Variants in TNFAIP2 observed in about 807,000 individuals in gnomAD.
TNFAIP2 encodes TNF alpha induced protein 2.
TNFAIP2 carries 47 observed loss-of-function variants against 63.5 expected under a neutral mutation model. That is an observed-to-expected ratio of 0.74 (90% CI 0.59 to 0.94). The LOEUF (loss-of-function observed/expected upper bound fraction) is 0.94. Among genes scored for constraint, TNFAIP2 ranks in the 40% least tolerant of loss-of-function variants. The pLI is 0.00. For synonymous variants in TNFAIP2, 405 were observed against 390.2 expected, an observed-to-expected ratio of 1.04 and a Z score of -0.45; for missense variants, 787 against 850.2, an observed-to-expected ratio of 0.93 and a Z score of 0.92.
Position 103,135,519 on chromosome 14 carries a change from C to T in TNFAIP2, c.*159C>T, listed in dbSNP as rs2088076774. On this transcript the variant is annotated 3_prime_UTR_variant, in exon 12 of 12. Coordinates refer to ENST00000560869, the MANE Select transcript of TNFAIP2 (RefSeq NM_006291.4). This position sits in a 1 kb window ranked among gnomAD's most constrained non-coding sequence, Gnocchi z 7.6. ...CTGGCGGAGGTGCAGGCCCTGTCAG[C>T]TGGAACTGGACAGACCTTGGTTTGT... 6.7e-7 allele frequency: 1 copy of T among 1,481,974 alleles called. No individual in the cohort carries two copies. The highest frequency in any genetic ancestry group is 2.5e-5 in the Admixed American group (1 of 40,036). 91.8% of individuals were successfully genotyped at this position (1,481,974 alleles called of 1,614,324 possible). A position where few individuals can be genotyped will look rare whatever the true frequency, so the allele number is the denominator to read the frequency against.
rs1045944652 is a variant in TNFAIP2 at position 103,135,375 on chromosome 14, T to C, written c.*15T>C. ...AGGTTGGTTAGCTTTTCCTGTGGCC[T>C]GACCTGCCTGTGAGTGCCCAGCAAG... is the stretch of plus-strand genomic sequence containing the variant. On this transcript the variant is annotated 3_prime_UTR_variant, in exon 12 of 12. Transcript: ENST00000560869. This position sits in a 1 kb window ranked among gnomAD's most constrained non-coding sequence, Gnocchi z 7.6. 1 of 1,588,402 alleles carries C rather than the reference T, an allele frequency of 6.3e-7. No homozygotes were observed. The highest frequency in any genetic ancestry group is 1.3e-5 in the African/African-American group (1 of 74,450).
chr14:103,132,829 C>T lies in TNFAIP2; in HGVS notation c.1502C>T (p.Thr501Met), dbSNP rs754925593. ...TLENIIATVD[T>M]RLPEFSELQG... ...GAAAACATCATCGCCACTGTAGACA[C>T]GAGGCTGCCTGAGTTCTCAGAGCTG... The change falls in exon 9 of 12, where the codon ACG becomes ATG. Residue 501 changes from threonine to methionine, a missense_variant. Transcript: ENST00000560869. 1.7e-5 allele frequency: 28 copies of T among 1,613,952 alleles called. No homozygotes were observed. Among genetic ancestry groups the T allele is most frequent in the East Asian group, 4.5e-5 (2 of 44,900 alleles).
chr14:103,127,431 G>A lies in TNFAIP2; in HGVS notation c.662G>A (p.Gly221Asp). ...EVPESVFLHL[G>D]RTMKEDLEAV... ...CCCGAGAGCGTCTTTCTGCACTTGGGCCGCACCATGAAGGAGGACCTGGAG... is the reference window on the plus strand; with the variant it reads ...CCCGAGAGCGTCTTTCTGCACTTGGACCGCACCATGAAGGAGGACCTGGAG... The change falls in exon 3 of 12, where the codon GGC becomes GAC. Residue 221 changes from glycine (G) to aspartate (D), a missense_variant. By Grantham distance (94) the Gly-to-Asp change is moderately conservative (BLOSUM62 -1). This residue lies in a region of TNFAIP2 where 523 missense variants were observed against 604.1 expected (regional missense o/e 0.87). Transcript: ENST00000560869. This position sits in a 1 kb window ranked among gnomAD's most constrained non-coding sequence, Gnocchi z 5.1. 6.3e-7 allele frequency: 1 copy of A among 1,583,544 alleles called. No individual in the cohort carries two copies. The highest frequency in any genetic ancestry group is 1.7e-4 in the Middle Eastern group (1 of 6,026).
chr14:103,125,643 G>A (rs1266557403), intron 1 of TNFAIP2, among the ~76,000 whole-genome samples: 3 of 151,814 alleles, frequency 2.0e-5, no homozygotes, highest in Non-Finnish European at 2.9e-5. Flanking sequence ...GTGACTTGCT[G>A]AGCCCCTTGC....
intron 11 of TNFAIP2, among the ~76,000 whole-genome samples, chr14:103,134,033 C>T (rs963594239): frequency 9.2e-5 from 14 of 152,238 alleles, no homozygotes; most frequent in South Asian, 2.1e-4. Flanking sequence ...CAAGGTGACA[C>T]GGCTAGTTAG....
Position 103,135,154 on chromosome 14 carries a change from T to C in TNFAIP2, c.1824-65T>C. The C allele has an allele frequency of 6.2e-7, 1 of 1,606,904 alleles. No individual in the cohort carries two copies. Among genetic ancestry groups the C allele is most frequent in the South Asian group, 1.1e-5 (1 of 90,886 alleles). On this transcript the variant is annotated intron_variant, in intron 11 of 11. Transcript: ENST00000560869. The surrounding 1 kb of genome is among the most constrained non-coding windows in gnomAD (Gnocchi z 7.6). ...CGGGCCCTGTGGCACTGGCCGGGAG[T>C]GCAGGGAGCTGGTGAGTAGGGGTGT...
In TNFAIP2 at chr14:103,127,111, C is replaced by G; in HGVS notation, c.342C>G (p.Ser114Arg). 9.1e-7 allele frequency: 1 copy of G among 1,100,378 alleles called. No individual in the cohort carries two copies. Among genetic ancestry groups the G allele is most frequent in the Non-Finnish European group, 1.1e-6 (1 of 904,232 alleles). The allele number at this position is 1,100,378 out of a possible 1,614,324, so 68.2% of individuals were successfully genotyped here. A position where few individuals can be genotyped will look rare whatever the true frequency, so the allele number is the denominator to read the frequency against. The change falls in exon 3 of 12, where the codon AGC becomes AGG. Residue 114 changes from serine to arginine, a missense_variant. By Grantham distance (110) the Ser-to-Arg change is moderately radical. Transcript: ENST00000560869. This position sits in a 1 kb window ranked among gnomAD's most constrained non-coding sequence, Gnocchi z 5.1. ...CGGCGGCGGCGGCGGGCGGTGTGAG[C>G]GAGGAGGAGCTGGTGCGGCGCCAGA... ...LAAAAAAGGV[S>R]EEELVRRQSK...
Position 103,133,682 on chromosome 14 carries a change from G to A in TNFAIP2, c.1702G>A (p.Gly568Ser). The A allele has an allele frequency of 6.4e-7, 1 of 1,561,834 alleles. No individual in the cohort carries two copies. Among genetic ancestry groups the A allele is most frequent in the Non-Finnish European group, 8.6e-7 (1 of 1,157,846 alleles). Residue 568 changes from glycine to serine, a missense_variant and splice_region_variant, in exon 11 of 12, where the codon GGC becomes AGC. Physicochemically the swap from Gly to Ser is moderately conservative, Grantham distance 56. Transcript: ENST00000560869. ...CCTCCAACCACACCCACTCCTGCAG[G>A]GCTCCCCGGCGACCTGGCTGCAGCC... ...DTIQHFCTQH[G>S]SPATWLQPAL...
upstream of TNFAIP2, among the ~76,000 whole-genome samples, chr14:103,122,244 C>T (rs1379941350): frequency 1.3e-5 from 2 of 152,228 alleles, no homozygotes; most frequent in African/African-American, 2.4e-5. Flanking sequence ...GCAAACCTGG[C>T]GCTTGGCCAG....
rs2087940943 is a variant in TNFAIP2, at chr14:103,130,127, A to G, written c.1098+3A>G. The G allele has an allele frequency of 6.2e-7, 1 of 1,612,092 alleles. No homozygotes were observed. Among genetic ancestry groups the G allele is most frequent in the Admixed American group, 1.7e-5 (1 of 59,892 alleles). ...AGCTGGCCATCGACATCATCCAGGT[A>G]CTGCAATCTGCCCCAGGGCACACGT... On this transcript the variant is annotated splice_donor_region_variant and intron_variant, in intron 5 of 11. Transcript: ENST00000560869.
At chr14:103,122,143 G>C (rs1891130240), upstream of TNFAIP2, among the ~76,000 whole-genome samples, 1 of 152,160 alleles carries the variant, frequency 6.6e-6, no homozygotes, top group Non-Finnish European at 1.5e-5. Flanking sequence ...GGGGTTGGCA[G>C]CCTTAACGCC....
Position 103,127,767 on chromosome 14 carries a change from G to T in TNFAIP2, c.860+138G>T. 1 of 1,043,546 alleles carries T rather than the reference G, an allele frequency of 9.6e-7. No individual in the cohort carries two copies. Among genetic ancestry groups the T allele is most frequent in the Non-Finnish European group, 1.3e-6 (1 of 766,190 alleles). The allele number at this position is 1,043,546 out of a possible 1,614,324, so 64.6% of individuals were successfully genotyped here. A position where few individuals can be genotyped will look rare whatever the true frequency, so the allele number is the denominator to read the frequency against. ...CAGAGTTTTGGGTCCGAGAATGCAG[G>T]GGTGGGACTTGGACTCCCTGGGGCA... On this transcript the variant is annotated intron_variant, in intron 3 of 11. Coordinates refer to ENST00000560869, the MANE Select transcript of TNFAIP2 (RefSeq NM_006291.4). This position sits in a 1 kb window ranked among gnomAD's most constrained non-coding sequence, Gnocchi z 5.1.
At position 103,131,610 on chromosome 14, in the gene TNFAIP2, G is replaced by A. The variant is rs2087974570; in HGVS notation, c.1299-29G>A. Reference sequence around the variant, plus strand: ...ATGGGGCTATAGGCTGAGCAGGGCTGGGGTGACCTCTCTGCCTCCACCTTC... The same window carrying A: ...ATGGGGCTATAGGCTGAGCAGGGCTAGGGTGACCTCTCTGCCTCCACCTTC... On this transcript the variant is annotated intron_variant, in intron 7 of 11. Coordinates refer to ENST00000560869, the MANE Select transcript of TNFAIP2 (RefSeq NM_006291.4). The surrounding 1 kb of genome is among the most constrained non-coding windows in gnomAD (Gnocchi z 4.0). The A allele has an allele frequency of 1.9e-6, 3 of 1,572,424 alleles. No individual in the cohort carries two copies. Among genetic ancestry groups the A allele is most frequent in the Non-Finnish European group, 2.6e-6 (3 of 1,165,328 alleles).
intron 1 of TNFAIP2, chr14:103,124,341 C>T (rs2087809333): frequency 6.6e-6 from 1 of 152,304 alleles, no homozygotes; most frequent in East Asian, 1.9e-4. Flanking sequence ...GTGCTGAGCC[C>T]ACACCGAAAG....
At position 103,126,341 on chromosome 14, in the gene TNFAIP2, A is replaced by C. The variant is rs2087850985; in HGVS notation, c.-117A>C. On this transcript the variant is annotated 5_prime_UTR_variant, in exon 2 of 12. Transcript: ENST00000560869. ...GCAGGCCTGAACCAGGGTGATGCTG[A>C]AGATGATGACCTTCTTCCAAGGCCT... The C allele has an allele frequency of 2.8e-6, 2 of 711,874 alleles. No homozygotes were observed. The highest frequency in any genetic ancestry group is 5.9e-5 in the Admixed American group (2 of 33,926). The allele number at this position is 711,874 out of a possible 1,614,324, so 44.1% of individuals were successfully genotyped here. A position where few individuals can be genotyped will look rare whatever the true frequency, so the allele number is the denominator to read the frequency against.
At chr14:103,129,072 C>T (rs574964927) in intron 3 of TNFAIP2, among the ~76,000 whole-genome samples, 7 of 152,164 alleles carry the variant, frequency 4.6e-5, no homozygotes, top group Admixed American at 1.3e-4. Flanking sequence ...TGGGCAGTCC[C>T]CTGGGAGCTC....
In TNFAIP2 at chr14:103,126,537, CGAA is replaced by C. The variant is rs774542642; in HGVS notation, c.91_93del (p.Lys31del). 5.6e-5 allele frequency: 88 copies of C among 1,574,972 alleles called. No homozygotes were observed. Among genetic ancestry groups the C allele is most frequent in the Admixed American group, 4.1e-4 (22 of 53,890 alleles). ...CCATATAGGGAGGAGGAAGAGGCGGCGAAGAAGAAGAAGGAGAAGAAGAAGAAG... is the reference window on the plus strand; with the variant it reads ...CCATATAGGGAGGAGGAAGAGGCGGCGAAGAAGAAGGAGAAGAAGAAGAAG... On this transcript the variant is annotated inframe_deletion, in exon 2 of 12. Transcript: ENST00000560869.
chr14:103,127,092 C>T lies in TNFAIP2; in HGVS notation c.323C>T (p.Ala108Val), dbSNP rs1171632364. ...CTGGAGCGGGAGCTGGCGGCGGCGG[C>T]GGCGGCGGGCGGTGTGAGCGAGGAG... ...LALERELAAA[A>V]AAGGVSEEEL... Residue 108 changes from alanine to valine, a missense_variant, in exon 3 of 12, where the codon GCG becomes GTG. Physicochemically the swap from Ala to Val is moderately conservative, Grantham distance 64. This residue lies in a region of TNFAIP2 where 258 missense variants were observed against 228.9 expected (regional missense o/e 1.13). Transcript: ENST00000560869. The surrounding 1 kb of genome is among the most constrained non-coding windows in gnomAD (Gnocchi z 5.1). 4 of 1,103,876 alleles carry T rather than the reference C, an allele frequency of 3.6e-6. No individual in the cohort carries two copies. Among genetic ancestry groups the T allele is most frequent in the South Asian group, 3.8e-5 (1 of 26,536 alleles). The allele number at this position is 1,103,876 out of a possible 1,614,324, so 68.4% of individuals were successfully genotyped here.
At position 103,135,240 on chromosome 14, in the gene TNFAIP2, C is replaced by A. The variant is rs1011789408; in HGVS notation, c.1845C>A (p.Ile615=). The change falls in exon 12 of 12, where the codon ATC becomes ATA. Residue 615 remains isoleucine (I), a synonymous_variant. Coordinates refer to ENST00000560869, the MANE Select transcript of TNFAIP2 (RefSeq NM_006291.4). This position sits in a 1 kb window ranked among gnomAD's most constrained non-coding sequence, Gnocchi z 7.6. ...CCAGCAAAGGCCACCTGAGCGCTAT[C>A]CTGGCCATCAAGGGGAACCTATCCA... ...PDFSKGHLSA[I]LAIKGNLSNS... 1 of 1,613,934 alleles carries A rather than the reference C, an allele frequency of 6.2e-7. No homozygotes were observed. Among genetic ancestry groups the A allele is most frequent in the Non-Finnish European group, 8.5e-7 (1 of 1,179,992 alleles).
Sources: gnomAD v4.1 joint callset for allele counts (sites outside exome capture counted in the v4.1 genomes callset) on GRCh38, gnomAD v4.1.1 for gene constraint, gnomAD v4.1.1 regional missense constraint, Gnocchi (gnomAD v3.1) non-coding constraint, MANE v1.5 for transcripts, NCBI Gene and HGNC (gene_info 2026-07-23, HGNC 2026-07-21) for gene names.